MYO5A: variants seen among roughly 807,000 people sequenced by gnomAD.
The protein encoded by MYO5A is myosin VA, also known as unconventional myosin-Va.
In MYO5A, 98 loss-of-function variants were observed where a neutral mutation model predicts 249.7. The ratio of observed to expected loss-of-function variants is 0.39; its 90% CI spans 0.33 to 0.46. MYO5A has a LOEUF of 0.46. Ranked by LOEUF, MYO5A falls within the 20% of genes least tolerant of loss-of-function variation. MYO5A has a pLI of 0.98. For missense variants in MYO5A, 1,696 were observed against 2,308.8 expected, an observed-to-expected ratio of 0.73 and a Z score of 5.44; for synonymous variants, 778 against 810.6, an observed-to-expected ratio of 0.96 and a Z score of 0.68.
rs1420397912 is a variant in MYO5A at position 52,312,588 on chromosome 15, C to A, written c.*1108G>T. ...GGCCAGGCTGGTCTCCAACTCCTAA[C>A]CTGAAGTGATCCGCCCACCTTGGCT... On this transcript the variant is annotated 3_prime_UTR_variant, in exon 42 of 42. Coordinates refer to ENST00000399233, the MANE Select transcript of MYO5A (RefSeq NM_001382347.1). 1.3e-5 allele frequency: 2 copies of A among 152,204 alleles called. No homozygotes were observed. The highest frequency in any genetic ancestry group is 4.8e-5 in the African/African-American group (2 of 41,434). The allele number at this position is 152,204 out of a possible 1,614,324, so 9.4% of individuals were successfully genotyped here. A position where few individuals can be genotyped will look rare whatever the true frequency, so the allele number is the denominator to read the frequency against.
At chr15:52,356,949 G>A (rs2040258919) in intron 25 of MYO5A, among the ~76,000 whole-genome samples, 1 of 151,798 alleles carries the variant, frequency 6.6e-6, no homozygotes, top group South Asian at 2.1e-4. Flanking sequence ...TTTATAGGCT[G>A]TCAAAGTCAT....
chr15:52,378,288 C>T (rs1169825729), intron 18 of MYO5A, among the ~76,000 whole-genome samples: 3 of 151,668 alleles, frequency 2.0e-5, no homozygotes, highest in Non-Finnish European at 2.9e-5. Context: ...TTTGGGAGGC[C>T]GAGGCGGGCA....
Position 52,433,199 on chromosome 15 carries a change from G to C in MYO5A, c.114C>G (p.Leu38=). 3 of 1,612,420 alleles carry C rather than the reference G, an allele frequency of 1.9e-6. No homozygotes were observed. The highest frequency in any genetic ancestry group is 2.5e-6 in the Non-Finnish European group (3 of 1,178,648). Residue 38 remains leucine (L), a synonymous_variant, in exon 2 of 42, where the codon CTC becomes CTG. Transcript: ENST00000399233. The part of the protein sequence containing the change: ...LKDYKPGDKV[L]LLHLEEGKDL... ...CCTTTCCTTCCTCGAGGTGAAGCAG[G>C]AGGACTTTATCTCCTGGCTTATAAT... is the stretch of plus-strand genomic sequence containing the variant.
Position 52,391,966 on chromosome 15 carries a change from T to C in MYO5A, c.1506A>G (p.Lys502=). 6.2e-7 allele frequency: 1 copy of C among 1,613,070 alleles called. No homozygotes were observed. Among genetic ancestry groups the C allele is most frequent in the Non-Finnish European group, 8.5e-7 (1 of 1,179,402 alleles). The change falls in exon 12 of 42, where the codon AAA becomes AAG. Residue 502 remains lysine, a synonymous_variant. Coordinates refer to ENST00000399233, the MANE Select transcript of MYO5A (RefSeq NM_001382347.1). ...NQPCINLIES[K]LGILDLLDEE... ...CATCCAGTAAATCTAGAATGCCTAG[T>C]TTTGATTCTATAAGATTAATACAAG...
At chr15:52,332,045 A>G (rs967255474) in intron 34 of MYO5A, among the ~76,000 whole-genome samples, 2 of 152,246 alleles carry the variant, frequency 1.3e-5, no homozygotes, top group Non-Finnish European at 2.9e-5. Context: ...CCTCTGAAGC[A>G]GCACACAGTG....
rs191620408 is a variant in MYO5A at position 52,360,031 on chromosome 15, G to T, written c.3360C>A (p.Asn1120Lys). 2 of 1,613,742 alleles carry T rather than the reference G, an allele frequency of 1.2e-6. No homozygotes were observed. The highest frequency in any genetic ancestry group is 3.3e-5 in the Admixed American group (2 of 60,008). ...CAGAGCTAAAGATATATTCAGACTC[G>T]TTGCTGCTGTGGGTGGAGTCTGTTC... ...HKRTDSTHSS[N>K]ESEYIFSSEI... Residue 1120 changes from asparagine (N) to lysine (K), a missense_variant, in exon 25 of 42, where the codon AAC (asparagine) becomes AAA (lysine). Asn to Lys is a moderately conservative substitution (Grantham distance 94, BLOSUM62 0). Around this residue, in one of 5 missense-constraint regions of MYO5A, gnomAD observed 412 missense variants for 453.3 expected, o/e 0.91. Transcript: ENST00000399233.
In MYO5A at chr15:52,350,153, C is replaced by T. The variant is rs112733559; in HGVS notation, c.3849+1101G>A. Among the ~76,000 whole-genome samples the T allele has an allele frequency of 1.1e-3, 167 of 152,222 alleles. 1 individual carries two copies. Among genetic ancestry groups the T allele is most frequent in the African/African-American group, 3.7e-3 (155 of 41,554 alleles). ...TTCACTGTGTTAGCCAGGATGGTCT[C>T]GATCTCCTGACCTCGTGATCTGCCC... On this transcript the variant is annotated intron_variant, in intron 28 of 41. Transcript: ENST00000399233.
intron 12 of MYO5A, 60 bp from the exon 13 acceptor site, chr15:52,389,423 C>T: frequency 3.3e-6 from 5 of 1,505,008 alleles, no homozygotes; most frequent in East Asian, 2.3e-5. Context: ...TCCTCTAAAG[C>T]ATCAGCTGTC....
At chr15:52,496,076 T>A (rs911512888) in intron 1 of MYO5A, among the ~76,000 whole-genome samples, 9 of 122,738 alleles carry the variant, frequency 7.3e-5, no homozygotes, top group East Asian at 4.9e-4. Context: ...AGTATAATTT[T>A]TAAAAAAAAG....
chr15:52,497,756 CAAAAA>C (rs35145185), intron 1 of MYO5A, among the ~76,000 whole-genome samples: 1 of 62,684 alleles, frequency 1.6e-5, no homozygotes, highest in African/African-American at 6.1e-5. Flanking sequence ...GACTCTGTCT[CAAAAA>C]AAAAAAAAAA....
intron 4 of MYO5A, among the ~76,000 whole-genome samples, chr15:52,417,238 T>C (rs2043546029): frequency 6.6e-6 from 1 of 152,202 alleles, no homozygotes. Flanking sequence ...AACATATTAT[T>C]TTATTCCTAA....
intron 4 of MYO5A, among the ~76,000 whole-genome samples, chr15:52,425,428 C>T (rs573416473): frequency 6.2e-4 from 94 of 152,234 alleles, no homozygotes; most frequent in African/African-American, 2.1e-3. Context: ...GGCACAATCT[C>T]GGCTCACTGC....
chr15:52,467,877 G>C (rs1318374429), intron 1 of MYO5A, among the ~76,000 whole-genome samples: 1 of 152,104 alleles, frequency 6.6e-6, no homozygotes, highest in Non-Finnish European at 1.5e-5. Context: ...CATTTTCAAA[G>C]TGATGAAAGA....
intron 1 of MYO5A, among the ~76,000 whole-genome samples, chr15:52,521,005 G>A (rs963366542): frequency 1.3e-5 from 2 of 152,066 alleles, no homozygotes; most frequent in Non-Finnish European, 2.9e-5. Flanking sequence ...CGAGGCAGGC[G>A]TATCACATGG....
intron 34 of MYO5A, chr15:52,331,598 G>C: frequency 1.2e-6 from 1 of 839,162 alleles, no homozygotes; most frequent in Non-Finnish European, 1.4e-6. Context: ...CTGACTCCAC[G>C]AGGTGTCAGT....
rs754471451 is a variant in MYO5A, at chr15:52,408,064, C to A, written c.833G>T (p.Arg278Leu). ...ATTTAATGCCATATTCATACCTAAT[C>A]GTAGCATTTTAAATTCAGGTAACTT... ...SAKLPEFKML[R>L]LGNADNFNYT... The change falls in exon 7 of 42, where the codon CGA becomes CTA. Residue 278 changes from arginine (R) to leucine (L), a missense_variant. Arg to Leu is a moderately radical substitution (Grantham distance 102, BLOSUM62 -2). Coordinates refer to ENST00000399233, the MANE Select transcript of MYO5A (RefSeq NM_001382347.1). The A allele has an allele frequency of 1.3e-6, 2 of 1,574,292 alleles. No homozygotes were observed. The highest frequency in any genetic ancestry group is 1.1e-5 in the South Asian group (1 of 90,092).
In MYO5A at chr15:52,526,698, C is replaced by T. The variant is rs1595849181; in HGVS notation, c.27+2082G>A. On this transcript the variant is annotated intron_variant, in intron 1 of 41. Transcript: ENST00000399233. ...TGTAGAGACCAGGTCTCATTATGTT[C>T]CTCAGGCTGTTAAAAGGTAAATTTT... 2.0e-5 allele frequency among the ~76,000 whole-genome samples: 3 copies of T among 152,194 alleles called. No homozygotes were observed. In the East Asian group the frequency reaches 5.8e-4, roughly 29 times the overall value.
intron 1 of MYO5A, among the ~76,000 whole-genome samples, chr15:52,494,119 C>G (rs2076990813): frequency 6.6e-6 from 1 of 152,158 alleles, no homozygotes; most frequent in African/African-American, 2.4e-5. Flanking sequence ...CAGAGTCAAA[C>G]ATGTTCCCTA....
chr15:52,333,005 T>C (rs2038959675), intron 34 of MYO5A, among the ~76,000 whole-genome samples: 1 of 152,164 alleles, frequency 6.6e-6, no homozygotes, highest in African/African-American at 2.4e-5. Context: ...CTAAGCCTTT[T>C]GCCCTTCCAC....
Sources: gnomAD v4.1 joint callset for allele counts (sites outside exome capture counted in the v4.1 genomes callset) on GRCh38, gnomAD v4.1.1 for gene constraint, gnomAD v4.1.1 regional missense constraint, MANE v1.5 for transcripts, NCBI Gene and HGNC (gene_info 2026-07-23, HGNC 2026-07-21) for gene names.